GPSM2: variants seen among roughly 807,000 people sequenced by gnomAD.
The protein encoded by GPSM2 is G protein-signaling modulator 2.
Under a neutral mutation model 78.4 loss-of-function variants are expected in GPSM2, and 58 were observed. That is an observed-to-expected ratio of 0.74 (90% CI 0.60 to 0.92). The LOEUF (loss-of-function observed/expected upper bound fraction) is 0.92. GPSM2 is among the 40% of genes least tolerant of loss of function. The pLI, the probability that GPSM2 is intolerant of heterozygous loss-of-function variation, is 0.00. For synonymous variants in GPSM2, 224 were observed against 280.2 expected (o/e 0.80, Z 2.00); for missense variants, 700 against 815.5 (o/e 0.86, Z 1.73).
At position 108,931,360 on chromosome 1, in the gene GPSM2, C is replaced by G. The variant is rs770784336; in HGVS notation, c.*1420C>G. The G allele has an allele frequency of 6.4e-6, 10 of 1,550,776 alleles. No individual in the cohort carries two copies. The highest frequency in any genetic ancestry group is 5.9e-5 in the Admixed American group (3 of 50,962). ...GGATGATAACAAAGTAACTAACTAACTGTAGCAAAAGACAAGTATGGGACA... is the reference window on the plus strand; with the variant it reads ...GGATGATAACAAAGTAACTAACTAAGTGTAGCAAAAGACAAGTATGGGACA... On this transcript the variant is annotated 3_prime_UTR_variant, in exon 15 of 15. Transcript: ENST00000264126.
At chr1:108,897,914 GA>G in intron 4 of GPSM2, 44 bp from the exon 5 acceptor site, 1 of 1,595,988 alleles carries the variant, frequency 6.3e-7, no homozygotes, top group Non-Finnish European at 8.6e-7. Context: ...TGATAAACCT[GA>G]CCTCTGTTTT....
chr1:108,886,716 C>T (rs1647578714), intron 2 of GPSM2, among the ~76,000 whole-genome samples: 1 of 152,252 alleles, frequency 6.6e-6, no homozygotes, highest in East Asian at 1.9e-4. Flanking sequence ...ATGCTTCCCA[C>T]TGATCTAGAT....
At chr1:108,927,694 A>G (rs1002693833) in intron 14 of GPSM2, among the ~76,000 whole-genome samples, 22 of 152,180 alleles carry the variant, frequency 1.4e-4, no homozygotes, top group Admixed American at 1.4e-3. Flanking sequence ...CAAGAGGAGC[A>G]TGTGGTGGCT....
At position 108,924,253 on chromosome 1, in the gene GPSM2, G is replaced by A. The variant is rs1191171795; in HGVS notation, c.1815+39G>A. 3 of 1,205,794 alleles carry A rather than the reference G, an allele frequency of 2.5e-6. No homozygotes were observed. In the South Asian group the frequency reaches 3.7e-5, roughly 15 times the overall value. 74.7% of individuals were successfully genotyped at this position (1,205,794 alleles called of 1,614,324 possible). ...TTTTTTTCGTTCTGCATACAGCTCA[G>A]ATACCACTGAAAACATTGGTAGTGT... is the stretch of plus-strand genomic sequence containing the variant. On this transcript the variant is annotated intron_variant, in intron 14 of 14. Coordinates refer to ENST00000264126, the MANE Select transcript of GPSM2 (RefSeq NM_013296.5).
chr1:108,880,371 G>T (rs1665832000), intron 1 of GPSM2, among the ~76,000 whole-genome samples: 1 of 152,178 alleles, frequency 6.6e-6, no homozygotes, highest in Non-Finnish European at 1.5e-5. Context: ...CAGGTGGGCG[G>T]ATCACTTGAG....
At chr1:108,911,817 T>TC (rs1412685645) in intron 10 of GPSM2, among the ~76,000 whole-genome samples, 28 of 148,940 alleles carry the variant, frequency 1.9e-4, no homozygotes, top group African/African-American at 6.7e-4. Flanking sequence ...TTTTTTTTTT[T>TC]TTTTTTAAAG....
intron 14 of GPSM2, among the ~76,000 whole-genome samples, chr1:108,925,204 T>C (rs1393332554): frequency 1.3e-5 from 2 of 152,122 alleles, no homozygotes; most frequent in African/African-American, 4.8e-5. Context: ...AAAGCAAGTT[T>C]GGAGAGAAAA....
At chr1:108,918,576 G>C in intron 11 of GPSM2, 37 bp from the exon 12 acceptor site, 2 of 1,464,662 alleles carry the variant, frequency 1.4e-6, no homozygotes, top group Non-Finnish European at 1.9e-6. Context: ...GGATTTGGGG[G>C]TGTTTATTCA....
At chr1:108,903,069 T>C in intron 8 of GPSM2, 57 bp from the exon 9 acceptor site, 1 of 1,026,450 alleles carries the variant, frequency 9.7e-7, no homozygotes, top group Non-Finnish European at 1.5e-6. Flanking sequence ...TAGCTTTTAT[T>C]CTATACATAG....
chr1:108,886,027 CT>C (rs954684334), intron 2 of GPSM2, among the ~76,000 whole-genome samples: 6 of 151,160 alleles, frequency 4.0e-5, no homozygotes, highest in African/African-American at 1.5e-4. Context: ...TTCTCATTTC[CT>C]TTTTTTGTAT....
At chr1:108,897,681 C>G (rs558819404) in intron 4 of GPSM2, 54 bp downstream of exon 4, 2 of 1,414,426 alleles carry the variant, frequency 1.4e-6, no homozygotes, top group African/African-American at 2.8e-5. Context: ...AAGGGCTTTG[C>G]ATTTTAATAC....
Position 108,931,230 on chromosome 1 carries a change from T to A in GPSM2, c.*1290T>A. ...GACACATAAACAAACAGAAAACAGA[T>A]GAAAACTCACAAAAATTAAATATGA... On this transcript the variant is annotated 3_prime_UTR_variant, in exon 15 of 15. Transcript: ENST00000264126. The A allele has an allele frequency of 7.3e-7, 1 of 1,373,360 alleles. No homozygotes were observed. The highest frequency in any genetic ancestry group is 1.5e-5 in the South Asian group (1 of 65,330). The allele number at this position is 1,373,360 out of a possible 1,614,324, so 85.1% of individuals were successfully genotyped here.
intron 3 of GPSM2, among the ~76,000 whole-genome samples, chr1:108,897,289 G>C (rs1307076277): frequency 6.6e-6 from 1 of 152,082 alleles, no homozygotes; most frequent in Non-Finnish European, 1.5e-5. Flanking sequence ...TAATTAAATG[G>C]ATGAAAACTA....
chr1:108,921,709 C>T (rs1322919761), intron 12 of GPSM2, among the ~76,000 whole-genome samples: 1 of 152,132 alleles, frequency 6.6e-6, no homozygotes, highest in Non-Finnish European at 1.5e-5. Context: ...TGAAACATCT[C>T]TCACCTCCAA....
In GPSM2 at chr1:108,934,049, T is replaced by C. The variant is rs1213214226; in HGVS notation, c.*4109T>C. ...AACAGATTACCAATATAACAAGCTA[T>C]GTTATCTAAATTGCCCTGGCAGTCT... On this transcript the variant is annotated 3_prime_UTR_variant, in exon 15 of 15. Transcript: ENST00000264126. The C allele has an allele frequency of 6.6e-6, 1 of 152,250 alleles. No homozygotes were observed. Among genetic ancestry groups the C allele is most frequent in the African/African-American group, 2.4e-5 (1 of 41,450 alleles). The allele number at this position is 152,250 out of a possible 1,614,324, so 9.4% of individuals were successfully genotyped here. A position where few individuals can be genotyped will look rare whatever the true frequency, so the allele number is the denominator to read the frequency against.
Position 108,904,113 on chromosome 1 carries a change from T to G in GPSM2, c.1063-12T>G. ...TAAATACTACTCTAAAATATAAATG[T>G]TTGTGTTGTAGGTTGGGGATAAAAG... On this transcript the variant is annotated splice_polypyrimidine_tract_variant and intron_variant, in intron 9 of 14. Transcript: ENST00000264126. The G allele has an allele frequency of 6.4e-7, 1 of 1,571,940 alleles. No homozygotes were observed. Among genetic ancestry groups the G allele is most frequent in the African/African-American group, 1.3e-5 (1 of 74,258 alleles).
chr1:108,912,409 A>T (rs1461937049), intron 10 of GPSM2, among the ~76,000 whole-genome samples: 1 of 152,072 alleles, frequency 6.6e-6, no homozygotes, highest in Non-Finnish European at 1.5e-5. Context: ...TTATTGATGG[A>T]TTAAGGATTT....
At chr1:108,914,974 G>A (rs991877383) in intron 11 of GPSM2, among the ~76,000 whole-genome samples, 1 of 152,106 alleles carries the variant, frequency 6.6e-6, no homozygotes, top group Non-Finnish European at 1.5e-5. Flanking sequence ...CAGGAGAGGG[G>A]TGCACAGTAA....
At chr1:108,914,270 G>T in intron 10 of GPSM2, 68 bp from the exon 11 acceptor site, 1 of 1,015,290 alleles carries the variant, frequency 9.8e-7, no homozygotes, top group Non-Finnish European at 1.6e-6. Context: ...ACTGAATAAT[G>T]TAATGATGCT....
Sources: gnomAD v4.1 joint callset for allele counts (sites outside exome capture counted in the v4.1 genomes callset) on GRCh38, gnomAD v4.1.1 for gene constraint, MANE v1.5 for transcripts, NCBI Gene and HGNC (gene_info 2026-07-23, HGNC 2026-07-21) for gene names.